Variants in CDCP1 observed in about 807,000 individuals in gnomAD.
CDCP1 encodes CUB domain-containing protein 1.
CDCP1 carries 29 observed loss-of-function variants against 60.2 expected under a neutral mutation model. The observed-to-expected ratio is 0.48, with a 90% CI of 0.36 to 0.66. The LOEUF is 0.66. CDCP1 is among the 30% of genes least tolerant of loss of function. The pLI is 0.00. For missense variants in CDCP1, 876 were observed against 1,074.3 expected (o/e 0.82, Z 2.58); for synonymous variants, 387 against 431.1 (o/e 0.90, Z 1.27).
intron 2 of CDCP1, among the ~76,000 whole-genome samples, chr3:45,115,844 C>T (rs1413320319): frequency 3.3e-5 from 5 of 151,554 alleles, no homozygotes; most frequent in East Asian, 1.9e-4. Flanking sequence ...GCTGGGACTA[C>T]AGGCACATGC....
chr3:45,087,373 C>A (rs1376946337), intron 8 of CDCP1, among the ~76,000 whole-genome samples: 2 of 152,150 alleles, frequency 1.3e-5, no homozygotes, highest in Non-Finnish European at 1.5e-5. Context: ...GCTGGACTGA[C>A]GATTCTCAGG....
chr3:45,095,591 G>C, intron 4 of CDCP1, 23 bp from the exon 5 acceptor site: 1 of 1,607,064 alleles, frequency 6.2e-7, no homozygotes, highest in Non-Finnish European at 8.5e-7. Flanking sequence ...ACAGAAAACA[G>C]GCATGAAGCA....
chr3:45,108,409 T>C (rs1160785184), intron 4 of CDCP1, among the ~76,000 whole-genome samples: 3 of 152,208 alleles, frequency 2.0e-5, no homozygotes, highest in Non-Finnish European at 2.9e-5. Flanking sequence ...ATCTCAGCAC[T>C]AAATCCATGT....
intron 4 of CDCP1, among the ~76,000 whole-genome samples, chr3:45,097,704 ACT>A (rs764656143): frequency 8.6e-5 from 13 of 151,992 alleles, no homozygotes; most frequent in Non-Finnish European, 1.6e-4. Context: ...TAATTGATGG[ACT>A]CTCTCCTCTT....
intron 1 of CDCP1, among the ~76,000 whole-genome samples, chr3:45,138,394 T>C (rs1014329522): frequency 3.3e-5 from 5 of 152,164 alleles, no homozygotes; most frequent in Non-Finnish European, 7.3e-5. Flanking sequence ...ACTAGAGACC[T>C]GGTTATACAG....
intron 1 of CDCP1, among the ~76,000 whole-genome samples, chr3:45,142,533 G>A (rs1171071868): frequency 6.6e-6 from 1 of 152,164 alleles, no homozygotes; most frequent in Non-Finnish European, 1.5e-5. Context: ...ACAACAGTGA[G>A]GAGAGCCTGG....
At chr3:45,136,896 A>G (rs1193304484) in intron 1 of CDCP1, among the ~76,000 whole-genome samples, 2 of 152,252 alleles carry the variant, frequency 1.3e-5, no homozygotes, top group Non-Finnish European at 2.9e-5. Context: ...ATTTATTACA[A>G]AGGAATCTGG....
intron 5 of CDCP1, among the ~76,000 whole-genome samples, chr3:45,093,860 C>T (rs1045371264): frequency 6.6e-6 from 1 of 152,180 alleles, no homozygotes. Context: ...AACATTCTTA[C>T]TGTTTACTAA....
intron 1 of CDCP1, among the ~76,000 whole-genome samples, chr3:45,138,182 G>T (rs1475297384): frequency 6.6e-6 from 1 of 152,200 alleles, no homozygotes; most frequent in African/African-American, 2.4e-5. Context: ...TGTGTGTGCA[G>T]GCACTTGCTC....
intron 4 of CDCP1, among the ~76,000 whole-genome samples, chr3:45,109,740 T>C (rs1270055937): frequency 4.6e-5 from 7 of 151,914 alleles, no homozygotes; most frequent in Non-Finnish European, 1.0e-4. Flanking sequence ...TGAGAGTGGG[T>C]ACCTCCTTAT....
At chr3:45,133,489 C>A (rs1329123185) in intron 1 of CDCP1, among the ~76,000 whole-genome samples, 32 of 29,822 alleles carry the variant, frequency 1.1e-3, no homozygotes, top group Middle Eastern at 0.021. Flanking sequence ...GAGGCCGAGG[C>A]GGGCGGATCA....
At chr3:45,101,919 G>GTTTAGT (rs1338744787) in intron 4 of CDCP1, among the ~76,000 whole-genome samples, 1 of 151,888 alleles carries the variant, frequency 6.6e-6, no homozygotes, top group East Asian at 1.9e-4. Context: ...GTGATGCTTG[G>GTTTAGT]TTTAGTTCAA....
At chr3:45,101,536 C>T (rs1698484766) in intron 4 of CDCP1, among the ~76,000 whole-genome samples, 1 of 152,144 alleles carries the variant, frequency 6.6e-6, no homozygotes, top group Admixed American at 6.5e-5. Flanking sequence ...TGCCAACTGC[C>T]ATCCAGTTTC....
rs1041938559 is a variant in CDCP1, at chr3:45,110,714, C to T, written c.783G>A (p.Arg261=). ...TGAAGTTGAGGAAGGAGACGCTGGC[C>T]CGCAGGTGTGCAGGAACGACAAACT... The part of the protein sequence containing the change: ...TWQFVVPAHL[R]ASVSFLNFNL... Residue 261 remains arginine, a synonymous_variant, in exon 4 of 9, where the codon CGG becomes CGA. Transcript: ENST00000296129. 2.8e-5 allele frequency: 45 copies of T among 1,614,194 alleles called. No individual in the cohort carries two copies. Among genetic ancestry groups the T allele is most frequent in the Non-Finnish European group, 3.7e-5 (44 of 1,180,048 alleles).
intron 4 of CDCP1, among the ~76,000 whole-genome samples, chr3:45,109,097 G>T (rs749558616): frequency 6.6e-6 from 1 of 150,844 alleles, no homozygotes; most frequent in Non-Finnish European, 1.5e-5. Flanking sequence ...TTACAGGTGC[G>T]CGCCATCATG....
intron 1 of CDCP1, among the ~76,000 whole-genome samples, chr3:45,122,982 G>C (rs938608761): frequency 4.0e-5 from 6 of 148,972 alleles, no homozygotes; most frequent in East Asian, 2.0e-4. Flanking sequence ...AATCTGTACT[G>C]GTCTATGCTG....
chr3:45,146,260 T>A lies in CDCP1; in HGVS notation c.28A>T (p.Ile10Phe), dbSNP rs138685190. ...AGCAGCAGAACCCCTAGCAGTGCGA[T>A]AGAGACCCCGCAGTTCAGGCCGGCC... MAGLNCGVS[I>F]ALLGVLLLGA... is the part of the protein sequence containing the mutation. The change falls in exon 1 of 9, where the codon ATC (isoleucine) becomes TTC (phenylalanine). Residue 10 changes from isoleucine (I) to phenylalanine (F), a missense_variant. Coordinates refer to ENST00000296129, the MANE Select transcript of CDCP1 (RefSeq NM_022842.5). 1.4e-5 allele frequency: 23 copies of A among 1,591,870 alleles called. No individual in the cohort carries two copies. In the African/African-American group the frequency reaches 2.6e-4, roughly 18 times the overall value.
intron 8 of CDCP1, among the ~76,000 whole-genome samples, chr3:45,087,347 C>G (rs986717693): frequency 2.6e-5 from 4 of 152,204 alleles, no homozygotes; most frequent in African/African-American, 9.7e-5. Flanking sequence ...CTCACACAAG[C>G]AAGGCCTGTA....
chr3:45,108,079 C>T lies in CDCP1; in HGVS notation c.1024+2394G>A, dbSNP rs537148141. Among the ~76,000 whole-genome samples, 27 of 151,748 alleles carry T rather than the reference C, an allele frequency of 1.8e-4. 1 individual carries two copies. The highest frequency in any genetic ancestry group is 4.0e-4 in the Non-Finnish European group (27 of 67,916). ...GTTACAGTGAGCTGAGAGCCGAGAT[C>T]ACGCCACTGCACTCCAGCCTGGGTG... On this transcript the variant is annotated intron_variant, in intron 4 of 8. Coordinates refer to ENST00000296129, the MANE Select transcript of CDCP1 (RefSeq NM_022842.5).
Sources: gnomAD v4.1 joint callset for allele counts (sites outside exome capture counted in the v4.1 genomes callset) on GRCh38, gnomAD v4.1.1 for gene constraint, MANE v1.5 for transcripts, NCBI Gene and HGNC (gene_info 2026-07-23, HGNC 2026-07-21) for gene names.